DICER1: variants seen among roughly 807,000 people sequenced by gnomAD.
DICER1 encodes dicer 1, ribonuclease III, also known as endoribonuclease Dicer.
DICER1 carries 43 observed loss-of-function variants against 194.1 expected under a neutral mutation model. The observed-to-expected ratio is 0.22, with a 90% CI of 0.17 to 0.29. DICER1 has a LOEUF of 0.29. Ranked by LOEUF, DICER1 falls within the 10% of genes least tolerant of loss-of-function variation. DICER1 has a pLI of 1.00. For missense variants in DICER1, 1,608 were observed against 2,317.0 expected, an observed-to-expected ratio of 0.69 and a Z score of 6.28; for synonymous variants, 832 against 820.5, an observed-to-expected ratio of 1.01 and a Z score of -0.24.
intron 4 of DICER1, among the ~76,000 whole-genome samples, chr14:95,130,831 C>A (rs1209125898): frequency 1.3e-5 from 2 of 152,182 alleles, no homozygotes; most frequent in African/African-American, 2.4e-5. Context: ...TAGAGGAAGT[C>A]TCCGTCAAAG....
At chr14:95,099,166 T>G (rs1890631114) in intron 22 of DICER1, among the ~76,000 whole-genome samples, 1 of 152,220 alleles carries the variant, frequency 6.6e-6, no homozygotes, top group East Asian at 1.9e-4. Context: ...TCCTGCAGTT[T>G]GGAGGCCCTC....
At chr14:95,152,878 C>T (rs752049269) in intron 1 of DICER1, among the ~76,000 whole-genome samples, 1 of 152,124 alleles carries the variant, frequency 6.6e-6, no homozygotes, top group Non-Finnish European at 1.5e-5. Context: ...GTATACACCA[C>T]GATACAACCA....
At chr14:95,139,264 T>C (rs1392102809) in intron 1 of DICER1, among the ~76,000 whole-genome samples, 1 of 152,228 alleles carries the variant, frequency 6.6e-6, no homozygotes, top group Non-Finnish European at 1.5e-5. Flanking sequence ...ATTTAGAAAA[T>C]TTCTCTTAAA....
chr14:95,099,757 C>CAA lies in DICER1; in HGVS notation c.4206+22_4206+23insTT, dbSNP rs759208352. 7 of 1,472,562 alleles carry CAA rather than the reference C, an allele frequency of 4.8e-6. No homozygotes were observed. The allele number at this position is 1,472,562 out of a possible 1,614,324, so 91.2% of individuals were successfully genotyped here. A position where few individuals can be genotyped will look rare whatever the true frequency, so the allele number is the denominator to read the frequency against. On this transcript the variant is annotated intron_variant, in intron 22 of 26. Transcript: ENST00000343455. ...ACACACACACACACACACACACACA[C>CAA]ACACACACACACACAAACTTACCAT...
In DICER1 at chr14:95,108,316, A is replaced by G. The variant is rs1566777640; in HGVS notation, c.2436+8T>C. 1.2e-6 allele frequency: 2 copies of G among 1,613,644 alleles called. No homozygotes were observed. The highest frequency in any genetic ancestry group is 4.5e-5 in the East Asian group (2 of 44,874). ...TTTTGACATAAGTACTCATTATGAA[A>G]TACCTACCTGAGGTATGGGTTTGGC... On this transcript the variant is annotated splice_region_variant and intron_variant, in intron 15 of 26. Coordinates refer to ENST00000343455, the MANE Select transcript of DICER1 (RefSeq NM_177438.3).
At chr14:95,144,335 T>C (rs1895000056) in intron 1 of DICER1, among the ~76,000 whole-genome samples, 1 of 152,034 alleles carries the variant, frequency 6.6e-6, no homozygotes, top group Non-Finnish European at 1.5e-5. Context: ...TGTACCTATC[T>C]TTCTTTTAAA....
At chr14:95,116,291 T>A (rs768185700) in intron 10 of DICER1, among the ~76,000 whole-genome samples, 162 bp downstream of exon 10, 1 of 152,242 alleles carries the variant, frequency 6.6e-6, no homozygotes, top group African/African-American at 2.4e-5. Context: ...GTCTTTGTGA[T>A]CATTCTCAAC....
chr14:95,143,133 C>T (rs1182763565), intron 1 of DICER1, among the ~76,000 whole-genome samples: 1 of 152,028 alleles, frequency 6.6e-6, no homozygotes, highest in African/African-American at 2.4e-5. Context: ...ACAGTATAAG[C>T]AATACTCATG....
chr14:95,109,786 C>T (rs1040649927), intron 14 of DICER1, among the ~76,000 whole-genome samples: 5 of 152,132 alleles, frequency 3.3e-5, no homozygotes, highest in Non-Finnish European at 5.9e-5. Flanking sequence ...CAGCAGTCCC[C>T]GCTTATCTGC....
chr14:95,109,135 C>T (rs758902861), intron 14 of DICER1, among the ~76,000 whole-genome samples: 9 of 152,058 alleles, frequency 5.9e-5, no homozygotes, highest in East Asian at 3.8e-4. Flanking sequence ...AATATCTGTC[C>T]GAGTCAATAT....
intron 14 of DICER1, among the ~76,000 whole-genome samples, chr14:95,110,450 G>T (rs1891856505): frequency 6.6e-6 from 1 of 152,204 alleles, no homozygotes; most frequent in African/African-American, 2.4e-5. Flanking sequence ...GATGTAGTAG[G>T]AAACCGGAGT....
Position 95,088,976 on chromosome 14 carries a change from G to C in DICER1, c.*1522C>G, listed in dbSNP as rs563589355. 1 of 233,086 alleles carries C rather than the reference G, an allele frequency of 4.3e-6. No homozygotes were observed. The highest frequency in any genetic ancestry group is 8.5e-6 in the Non-Finnish European group (1 of 117,908). 14.4% of individuals were successfully genotyped at this position (233,086 alleles called of 1,614,324 possible). On this transcript the variant is annotated 3_prime_UTR_variant, in exon 27 of 27. Transcript: ENST00000343455. ...GGCAAATTGCAGCAAACCTCTACTG[G>C]TATGTTGATGGGAGTGCAAGACTGA...
At position 95,134,033 on chromosome 14, in the gene DICER1, C is replaced by T. The variant is rs143225299; in HGVS notation, c.-45-530G>A. On this transcript the variant is annotated intron_variant, in intron 1 of 26. Transcript: ENST00000343455. The stretch of plus-strand genomic sequence containing the variant: ...TGAACATTCTTTGTATATTCTATGA[C>T]GTTACTGATAAAATGATAATGTATG... 8.2e-4 allele frequency among the ~76,000 whole-genome samples: 125 copies of T among 152,138 alleles called. 1 individual carries two copies. The highest frequency in any genetic ancestry group is 2.6e-3 in the African/African-American group (109 of 41,490).
intron 7 of DICER1, 32 bp downstream of exon 7, chr14:95,126,548 A>G: frequency 2.3e-6 from 3 of 1,327,750 alleles, no homozygotes; most frequent in Admixed American, 1.8e-5. Context: ...CTTTCAAAAT[A>G]TAATCACTAT....
chr14:95,146,910 G>C lies in DICER1; in HGVS notation c.-46+10320C>G, dbSNP rs577115288. ...AACTAAAGGAAAGGAAAAAGGGAGG[G>C]AGTGAGGAAGGCTAAGAAGGAAAAG... On this transcript the variant is annotated intron_variant, in intron 1 of 26. Transcript: ENST00000343455. Among the ~76,000 whole-genome samples, 39 of 152,266 alleles carry C rather than the reference G, an allele frequency of 2.6e-4. No homozygotes were observed. In the South Asian group the frequency reaches 7.7e-3, roughly 30 times the overall value.
rs1262736650 is a variant in DICER1, at chr14:95,106,036, C to T, written c.2987+5G>A. 1 of 1,614,068 alleles carries T rather than the reference C, an allele frequency of 6.2e-7. No individual in the cohort carries two copies. Among genetic ancestry groups the T allele is most frequent in the Non-Finnish European group, 8.5e-7 (1 of 1,179,964 alleles). On this transcript the variant is annotated splice_donor_5th_base_variant and intron_variant, in intron 18 of 26. Transcript: ENST00000343455. ...AATCCAAGTGTCATCTCTGAAGCCC[C>T]TTACCTTGAAGATGTGTGGTCCACA...
intron 7 of DICER1, among the ~76,000 whole-genome samples, chr14:95,125,018 A>G (rs1893286361): frequency 6.6e-6 from 1 of 152,242 alleles, no homozygotes; most frequent in South Asian, 2.1e-4. Context: ...ACAGTAATTT[A>G]ACTTTAGGCA....
At chr14:95,101,187 G>A (rs546389784) in intron 21 of DICER1, among the ~76,000 whole-genome samples, 1 of 152,286 alleles carries the variant, frequency 6.6e-6, no homozygotes, top group East Asian at 1.9e-4. Flanking sequence ...CCAAGGCTGG[G>A]GGTCTGAGCG....
At chr14:95,132,699 A>C in intron 2 of DICER1, 22 bp from the exon 3 acceptor site, 2 of 1,611,722 alleles carry the variant, frequency 1.2e-6, no homozygotes, top group African/African-American at 1.3e-5. Context: ...GTGAAAAAAA[A>C]GTTATGCACT....
Sources: allele counts gnomAD v4.1 joint callset (sites outside exome capture counted in the v4.1 genomes callset), GRCh38; gene constraint gnomAD v4.1.1; transcripts MANE v1.5; gene names NCBI Gene and HGNC (gene_info 2026-07-23, HGNC 2026-07-21).